NUDT12: variants seen among roughly 807,000 people sequenced by gnomAD.
NUDT12 encodes the protein nudix hydrolase 12.
NUDT12 carries 42 observed loss-of-function variants against 45.7 expected under a neutral mutation model. That is an observed-to-expected ratio of 0.92 (90% CI 0.72 to 1.19). The LOEUF is 1.19. Ranked by LOEUF, NUDT12 falls within the 50% of genes most tolerant of loss-of-function variation. The pLI is 0.00. For synonymous variants in NUDT12, 206 were observed against 179.7 expected, an observed-to-expected ratio of 1.15 and a Z score of -1.17; for missense variants, 590 against 533.1, an observed-to-expected ratio of 1.11 and a Z score of -1.05.
chr5:103,550,807 G>A lies in NUDT12; in HGVS notation c.*54C>T. The stretch of plus-strand genomic sequence containing the variant: ...CTGAATAATCTCTAATATCACTTGA[G>A]GAATGAGTGTTATTAGAAATTATTA... On this transcript the variant is annotated 3_prime_UTR_variant, in exon 7 of 7. Coordinates refer to ENST00000230792, the MANE Select transcript of NUDT12 (RefSeq NM_031438.4). The A allele has an allele frequency of 2.5e-6, 3 of 1,212,550 alleles. No homozygotes were observed. The highest frequency in any genetic ancestry group is 3.7e-6 in the Non-Finnish European group (3 of 819,414). 75.1% of individuals were successfully genotyped at this position (1,212,550 alleles called of 1,614,324 possible). A position where few individuals can be genotyped will look rare whatever the true frequency, so the allele number is the denominator to read the frequency against.
Position 103,549,071 on chromosome 5 carries a change from A to G in NUDT12, c.*1790T>C, listed in dbSNP as rs543682821. 7.2e-5 allele frequency: 11 copies of G among 152,296 alleles called. No individual in the cohort carries two copies. Among genetic ancestry groups the G allele is most frequent in the South Asian group, 6.2e-4 (3 of 4,830 alleles). 9.4% of individuals were successfully genotyped at this position (152,296 alleles called of 1,614,324 possible). A position where few individuals can be genotyped will look rare whatever the true frequency, so the allele number is the denominator to read the frequency against. On this transcript the variant is annotated 3_prime_UTR_variant, in exon 7 of 7. Transcript: ENST00000230792. Reference sequence around the variant, plus strand: ...GGATTAAATATCCAAAACAAAATGTATAACTACACTTGTTGATACTTTATA... The same window carrying G: ...GGATTAAATATCCAAAACAAAATGTGTAACTACACTTGTTGATACTTTATA...
At chr5:103,555,582 T>C (rs768326669) in intron 4 of NUDT12, among the ~76,000 whole-genome samples, 4 of 151,932 alleles carry the variant, frequency 2.6e-5, no homozygotes, top group Non-Finnish European at 5.9e-5. Flanking sequence ...TTAACAGTAA[T>C]GAAAAGCTAG....
At chr5:103,558,851 C>T in intron 3 of NUDT12, 28 bp downstream of exon 3, 1 of 1,464,420 alleles carries the variant, frequency 6.8e-7, no homozygotes, top group South Asian at 1.4e-5. Flanking sequence ...CCAGATTTTA[C>T]CAATGAAAAG....
intron 6 of NUDT12, 92 bp downstream of exon 6, chr5:103,552,125 C>G (rs1748671611): frequency 1.0e-6 from 1 of 976,226 alleles, no homozygotes; most frequent in African/African-American, 1.6e-5. Flanking sequence ...AGGCATCATT[C>G]AACTTGCTGA....
intron 2 of NUDT12, 200 bp downstream of exon 2, chr5:103,559,843 A>G: frequency 1.8e-6 from 1 of 559,502 alleles, no homozygotes; most frequent in Non-Finnish European, 3.1e-6. Context: ...TTGCTTTGCT[A>G]TAAAGAAATA....
chr5:103,560,292 C>T (rs1180549789), intron 1 of NUDT12, 38 bp from the exon 2 acceptor site: 1 of 1,316,002 alleles, frequency 7.6e-7, no homozygotes, highest in Admixed American at 1.8e-5. Flanking sequence ...AGCTTATTTG[C>T]AACTGCTTTT....
chr5:103,557,440 G>A (rs1361864165), intron 3 of NUDT12, among the ~76,000 whole-genome samples: 1 of 151,512 alleles, frequency 6.6e-6, no homozygotes, highest in Non-Finnish European at 1.5e-5. Flanking sequence ...CTAAGGGAAG[G>A]TGGTCACTGA....
rs1254354905 is a variant in NUDT12 at position 103,550,903 on chromosome 5, A to G, written c.1347T>C (p.His449=). The G allele has an allele frequency of 6.2e-7, 1 of 1,613,678 alleles. No homozygotes were observed. The highest frequency in any genetic ancestry group is 1.1e-5 in the South Asian group (1 of 91,068). ...FFVPPSRAIA[H]QLIKHWIRIN... ...TTCTAATCCAGTGTTTGATTAATTG[A>G]TGTGCAATAGCTCGGCTTGGTGGCA... is the stretch of plus-strand genomic sequence containing the variant. The change falls in exon 7 of 7, where the codon CAT becomes CAC. Residue 449 remains histidine (H), a synonymous_variant. Coordinates refer to ENST00000230792, the MANE Select transcript of NUDT12 (RefSeq NM_031438.4).
In NUDT12 at chr5:103,549,674, G is replaced by T. The variant is rs1294176378; in HGVS notation, c.*1187C>A. ...TCATATATTATCCTTAAGGTCTCTT[G>T]TAGCTCTAGCATACATTAGTAAAGA... On this transcript the variant is annotated 3_prime_UTR_variant, in exon 7 of 7. Coordinates refer to ENST00000230792, the MANE Select transcript of NUDT12 (RefSeq NM_031438.4). 1 of 151,854 alleles carries T rather than the reference G, an allele frequency of 6.6e-6. No homozygotes were observed. Among genetic ancestry groups the T allele is most frequent in the Non-Finnish European group, 1.5e-5 (1 of 67,918 alleles). 9.4% of individuals were successfully genotyped at this position (151,854 alleles called of 1,614,324 possible).
rs773778051 is a variant in NUDT12 at position 103,550,825 on chromosome 5, AATT to A, written c.*33_*35del. ...CACTTGAGGAATGAGTGTTATTAGAAATTATTAAATAATACTCAAAGCTTAGTT... is the reference window on the plus strand; with the variant it reads ...CACTTGAGGAATGAGTGTTATTAGAAATTAAATAATACTCAAAGCTTAGTT... On this transcript the variant is annotated 3_prime_UTR_variant, in exon 7 of 7. Coordinates refer to ENST00000230792, the MANE Select transcript of NUDT12 (RefSeq NM_031438.4). 2 of 1,406,174 alleles carry A rather than the reference AATT, an allele frequency of 1.4e-6. No individual in the cohort carries two copies. The highest frequency in any genetic ancestry group is 3.4e-5 in the Admixed American group (2 of 59,386). The allele number at this position is 1,406,174 out of a possible 1,614,324, so 87.1% of individuals were successfully genotyped here. A position where few individuals can be genotyped will look rare whatever the true frequency, so the allele number is the denominator to read the frequency against.
chr5:103,555,797 C>A lies in NUDT12; in HGVS notation c.964+134G>T, dbSNP rs988033023. 7.3e-6 allele frequency: 4 copies of A among 545,028 alleles called. No homozygotes were observed. In the Admixed American group the frequency reaches 1.1e-4, roughly 16 times the overall value. 33.8% of individuals were successfully genotyped at this position (545,028 alleles called of 1,614,324 possible). A position where few individuals can be genotyped will look rare whatever the true frequency, so the allele number is the denominator to read the frequency against. On this transcript the variant is annotated intron_variant, in intron 4 of 6. Transcript: ENST00000230792. ...TTAAAAATCATGAAAGTGTGTAACA[C>A]TTTAACACATTCTTAATGGTTAGAC...
intron 3 of NUDT12, among the ~76,000 whole-genome samples, chr5:103,557,148 G>A (rs1391680865): frequency 1.3e-5 from 2 of 151,302 alleles, no homozygotes; most frequent in Non-Finnish European, 3.0e-5. Context: ...TTCTTTAGGA[G>A]TAAACTGAGT....
intron 5 of NUDT12, chr5:103,554,473 T>C (rs1037547457): frequency 8.6e-5 from 16 of 186,982 alleles, no homozygotes; most frequent in Non-Finnish European, 1.7e-4. Context: ...GGAACCTAGA[T>C]ACCTGGGTCA....
At position 103,557,280 on chromosome 5, in the gene NUDT12, G is replaced by GGTGTATATATATATATATATATATATAT. The variant is rs1491335747; in HGVS notation, c.797-1183_797-1182insATATATATATATATATATATATATACAC. ...TATCAGATCTTTTTGATCTTAAAAT[G>GGTGTATATATATATATATATATATATAT]ATATATATATATATATATATATATG... On this transcript the variant is annotated intron_variant, in intron 3 of 6. Coordinates refer to ENST00000230792, the MANE Select transcript of NUDT12 (RefSeq NM_031438.4). Among the ~76,000 whole-genome samples the GGTGTATATATATATATATATATATATAT allele has an allele frequency of 2.5e-5, 3 of 118,934 alleles. No homozygotes were observed. In the South Asian group the frequency reaches 9.7e-4, roughly 38 times the overall value. The allele number at this position is 118,934 out of a possible 152,430, so 78.0% of individuals were successfully genotyped here.
Position 103,552,299 on chromosome 5 carries a change from C to G in NUDT12, c.1196G>C (p.Gly399Ala), listed in dbSNP as rs1174889282. Residue 399 changes from glycine (G) to alanine (A), a missense_variant, in exon 6 of 7, where the codon GGT becomes GCT. Gly to Ala is a moderately conservative substitution (Grantham distance 60, BLOSUM62 0). Coordinates refer to ENST00000230792, the MANE Select transcript of NUDT12 (RefSeq NM_031438.4). ...PWPMPSSLMI[G>A]CLALAVSTEI... Reference sequence around the variant, plus strand: ...TGTAGACACTGCTAGAGCTAAGCAACCAATCATTAAGGAGGAAGGCATTGG... The same window carrying G: ...TGTAGACACTGCTAGAGCTAAGCAAGCAATCATTAAGGAGGAAGGCATTGG... 1.2e-6 allele frequency: 2 copies of G among 1,613,816 alleles called. No homozygotes were observed. Among genetic ancestry groups the G allele is most frequent in the African/African-American group, 2.7e-5 (2 of 74,918 alleles).
chr5:103,553,793 C>T (rs1748729122), intron 5 of NUDT12, among the ~76,000 whole-genome samples: 1 of 151,990 alleles, frequency 6.6e-6, no homozygotes, highest in African/African-American at 2.4e-5. Context: ...AGACAATGAC[C>T]TAGAACTACT....
intron 4 of NUDT12, 122 bp from the exon 5 acceptor site, chr5:103,554,975 G>C: frequency 2.4e-6 from 1 of 414,328 alleles, no homozygotes; most frequent in East Asian, 3.5e-5. Context: ...ACTCTTGTCT[G>C]GTTGTAAGAG....
Position 103,559,368 on chromosome 5 carries a change from C to G in NUDT12, c.307G>C (p.Gly103Arg). ...HIANLLATAK[G>R]GKKPWFLTNE... ...GTTAGGAACCAAGGCTTCTTCCCACCTTTAGCAGTAGCTAGTAAATTAGCT... is the reference window on the plus strand; with the variant it reads ...GTTAGGAACCAAGGCTTCTTCCCACGTTTAGCAGTAGCTAGTAAATTAGCT... Residue 103 changes from glycine (G) to arginine (R), a missense_variant, in exon 3 of 7, where the codon GGT becomes CGT. Coordinates refer to ENST00000230792, the MANE Select transcript of NUDT12 (RefSeq NM_031438.4). 6.2e-7 allele frequency: 1 copy of G among 1,613,264 alleles called. No homozygotes were observed. Among genetic ancestry groups the G allele is most frequent in the Non-Finnish European group, 8.5e-7 (1 of 1,179,566 alleles).
rs777857262 is a variant in NUDT12, at chr5:103,559,049, A to C, written c.626T>G (p.Leu209Arg). Residue 209 changes from leucine to arginine, a missense_variant, in exon 3 of 7, where the codon CTA becomes CGA. Coordinates refer to ENST00000230792, the MANE Select transcript of NUDT12 (RefSeq NM_031438.4). The stretch of plus-strand genomic sequence containing the variant: ...CGGGACTTCACCAGCATAATTAAGT[A>C]GTTTGTCTTTTATTTCAAGTTCTAC... The part of the protein sequence containing the change: ...LGVELEIKDK[L>R]LNYAGEVPRE... 6.2e-7 allele frequency: 1 copy of C among 1,613,450 alleles called. No individual in the cohort carries two copies. The highest frequency in any genetic ancestry group is 2.2e-5 in the East Asian group (1 of 44,846).
Sources: allele counts gnomAD v4.1 joint callset (sites outside exome capture counted in the v4.1 genomes callset), GRCh38; gene constraint gnomAD v4.1.1; transcripts MANE v1.5; gene names NCBI Gene and HGNC (gene_info 2026-07-23, HGNC 2026-07-21).